The following KCNMB3 variants were observed in gnomAD, a reference collection of about 807,000 sequenced individuals.
KCNMB3 encodes potassium calcium-activated channel subfamily M regulatory beta subunit 3, also known as calcium-activated potassium channel subunit beta-3.
In KCNMB3, 18 loss-of-function variants were observed where a neutral mutation model predicts 11.9. That is an observed-to-expected ratio of 1.51 (90% CI 1.04 to 2.23). KCNMB3 has a LOEUF of 2.23. Among genes scored for constraint, KCNMB3 ranks in the 30% most tolerant of loss-of-function variants. The probability of loss-of-function intolerance (pLI) is 0.00; values close to 1 mark genes in which losing one functional copy is unlikely to be tolerated. For missense variants in KCNMB3, 247 were observed against 329.4 expected (o/e 0.75, Z 1.94); for synonymous variants, 78 against 119.2 (o/e 0.65, Z 2.25).
chr3:179,263,899 G>C (rs189042803), intron 1 of KCNMB3, among the ~76,000 whole-genome samples: 1 of 144,760 alleles, frequency 6.9e-6, no homozygotes. Context: ...TCTGCTTCCC[G>C]GGTTCAAGCA....
In KCNMB3 at chr3:179,243,000, G is replaced by A; in HGVS notation, c.732C>T (p.Val244=). 4.4e-6 allele frequency: 7 copies of A among 1,598,344 alleles called. No homozygotes were observed. The highest frequency in any genetic ancestry group is 1.3e-5 in the African/African-American group (1 of 74,198). ...GTACTTTTCCACCTACCTCATCTCT[G>A]ACTACAGTGCTATATTTTTCACACA... ...SLLCEKYSTV[V]RDEVGGKVPY... The change falls in exon 3 of 3, where the codon GTC becomes GTT. Residue 244 remains valine (V), a synonymous_variant. Coordinates refer to ENST00000392685, the MANE Select transcript of KCNMB3 (RefSeq NM_171830.2).
chr3:179,263,028 C>T (rs1300645620), intron 1 of KCNMB3, among the ~76,000 whole-genome samples: 1 of 152,244 alleles, frequency 6.6e-6, no homozygotes, highest in African/African-American at 2.4e-5. Context: ...GGTGGAGCTG[C>T]CTGCCAGTCC....
In KCNMB3 at chr3:179,250,687, T is replaced by G. The variant is rs1725805774; in HGVS notation, c.248+56A>C. Reference sequence around the variant, plus strand: ...AAGCCAGCCTCTCCTCCTTTACCGCTGTGCCTGGATCTTATCTGAATTGGA... The same window carrying G: ...AAGCCAGCCTCTCCTCCTTTACCGCGGTGCCTGGATCTTATCTGAATTGGA... On this transcript the variant is annotated intron_variant, in intron 1 of 2. Coordinates refer to ENST00000392685, the MANE Select transcript of KCNMB3 (RefSeq NM_171830.2). 3 of 1,562,456 alleles carry G rather than the reference T, an allele frequency of 1.9e-6. No homozygotes were observed. The Admixed American group carries it at 5.1e-5, about 26-fold the overall frequency.
At chr3:179,240,468 T>C (rs796151658), downstream of KCNMB3, 8 of 154,876 alleles carry the variant, frequency 5.2e-5, no homozygotes, top group African/African-American at 1.9e-4. Context: ...GATCAGAACC[T>C]AGAAATGAAG....
upstream of KCNMB3, among the ~76,000 whole-genome samples, chr3:179,254,637 C>A (rs567882772): frequency 6.6e-6 from 1 of 151,982 alleles, no homozygotes; most frequent in Non-Finnish European, 1.5e-5. Context: ...GGTGAGAAAC[C>A]CTATCTCTAC....
intron 1 of KCNMB3, among the ~76,000 whole-genome samples, chr3:179,257,870 TTTTGTGTG>T: frequency 1.7e-5 from 1 of 60,184 alleles, no homozygotes; most frequent in East Asian, 9.5e-4. Flanking sequence ...GAAAACATTG[TTTTGTGTG>T]TGTGTGTGTG....
chr3:179,259,144 T>A, intron 1 of KCNMB3: 1 of 1,573,156 alleles, frequency 6.4e-7, no homozygotes, highest in South Asian at 1.2e-5. Flanking sequence ...TTTTTTAGGC[T>A]ATTGCTGTCT....
upstream of KCNMB3, among the ~76,000 whole-genome samples, chr3:179,254,991 C>T (rs1725965457): frequency 1.3e-5 from 2 of 151,836 alleles, no homozygotes; most frequent in African/African-American, 4.8e-5. Flanking sequence ...ATGGCTAAGC[C>T]CTGTCTCTAT....
chr3:179,257,873 T>C (rs919464927), intron 1 of KCNMB3, among the ~76,000 whole-genome samples: 1 of 5,146 alleles, frequency 1.9e-4, no homozygotes, highest in African/African-American at 7.6e-4. Flanking sequence ...AACATTGTTT[T>C]GTGTGTGTGT....
intron 1 of KCNMB3, chr3:179,261,123 CCTT>C: frequency 7.8e-7 from 1 of 1,288,378 alleles, no homozygotes; most frequent in Non-Finnish European, 1.1e-6. Flanking sequence ...TCTTCTACCT[CCTT>C]CTGCTGCCGC....
intron 1 of KCNMB3, among the ~76,000 whole-genome samples, chr3:179,249,626 T>C (rs1211145219): frequency 4.6e-5 from 7 of 152,074 alleles, no homozygotes; most frequent in Admixed American, 4.6e-4. Context: ...TGAGCCAAGA[T>C]CGTGCCACTG....
At chr3:179,246,854 A>T (rs1725660298) in intron 1 of KCNMB3, among the ~76,000 whole-genome samples, 1 of 152,202 alleles carries the variant, frequency 6.6e-6, no homozygotes. Flanking sequence ...TCCCATGCAC[A>T]AGGCCCCGGT....
At chr3:179,255,873 A>G (rs927357457), upstream of KCNMB3, among the ~76,000 whole-genome samples, 2 of 152,260 alleles carry the variant, frequency 1.3e-5, no homozygotes, top group African/African-American at 4.8e-5. Flanking sequence ...CTTCTCTGTA[A>G]CAAGACTAGA....
At chr3:179,251,572 G>T, upstream of KCNMB3, 1 of 1,296,466 alleles carries the variant, frequency 7.7e-7, no homozygotes, top group Non-Finnish European at 9.7e-7. Flanking sequence ...CACTGTGCCT[G>T]CAAACCTGCT....
chr3:179,245,276 C>CAT (rs146826477), intron 1 of KCNMB3, among the ~76,000 whole-genome samples: 2,382 of 152,236 alleles, frequency 0.016, 91 homozygotes, highest in South Asian at 0.13. Flanking sequence ...CGTTGGTCAA[C>CAT]ATAGCCTACA....
rs1256131125 is a variant in KCNMB3, at chr3:179,250,732, C to CT, written c.248+10dup. 1 of 1,613,574 alleles carries CT rather than the reference C, an allele frequency of 6.2e-7. No individual in the cohort carries two copies. Among genetic ancestry groups the CT allele is most frequent in the Non-Finnish European group, 8.5e-7 (1 of 1,179,568 alleles). On this transcript the variant is annotated intron_variant, in intron 1 of 2. Coordinates refer to ENST00000392685, the MANE Select transcript of KCNMB3 (RefSeq NM_171830.2). ...ATTGGAAACTCTAGATTTCCTTCCT[C>CT]TGTTTCTTACCTGAGCATAAAAGGC...
chr3:179,260,849 A>G lies in KCNMB3; in HGVS notation c.62+5800T>C, dbSNP rs183984907. 4.7e-4 allele frequency: 581 copies of G among 1,238,090 alleles called. 2 individuals carry two copies. The African/African-American group carries it at 7.0e-3, about 15-fold the overall frequency. The allele number at this position is 1,238,090 out of a possible 1,614,324, so 76.7% of individuals were successfully genotyped here. A position where few individuals can be genotyped will look rare whatever the true frequency, so the allele number is the denominator to read the frequency against. The stretch of plus-strand genomic sequence containing the variant: ...CAGCTGTTCTTCAATCTCCAGCAAC[A>G]TATCTTTCAGGGTGTCAACTTGGTA... On this transcript the variant is annotated intron_variant, in intron 1 of 3. Coordinates refer to the KCNMB3 transcript ENST00000349697.
chr3:179,249,419 G>A (rs1302650129), intron 1 of KCNMB3, among the ~76,000 whole-genome samples: 2 of 151,726 alleles, frequency 1.3e-5, no homozygotes, highest in African/African-American at 2.4e-5. Context: ...CCAGCACTTT[G>A]GGAGGCCAAG....
Position 179,261,047 on chromosome 3 carries a change from A to G in KCNMB3, c.62+5602T>C. ...AGAGGAAGTCCCACCCAGAAAGGCC[A>G]GCGTGGCTGCAGACGGGCCCAGCAT... is the stretch of plus-strand genomic sequence containing the variant. On this transcript the variant is annotated intron_variant, in intron 1 of 3. Coordinates refer to the KCNMB3 transcript ENST00000349697. 1.1e-5 allele frequency: 11 copies of G among 1,026,036 alleles called. No individual in the cohort carries two copies. In the South Asian group the frequency reaches 1.3e-4, roughly 12 times the overall value. 63.6% of individuals were successfully genotyped at this position (1,026,036 alleles called of 1,614,324 possible). A position where few individuals can be genotyped will look rare whatever the true frequency, so the allele number is the denominator to read the frequency against.
Sources: allele counts gnomAD v4.1 joint callset (sites outside exome capture counted in the v4.1 genomes callset), GRCh38; gene constraint gnomAD v4.1.1; transcripts MANE v1.5; gene names NCBI Gene and HGNC (gene_info 2026-07-23, HGNC 2026-07-21).